Variants in SUPT6H observed in about 807,000 individuals in gnomAD.
The protein encoded by SUPT6H is transcription elongation factor SPT6.
In SUPT6H, 11 loss-of-function variants were observed where a neutral mutation model predicts 222.3. The ratio of observed to expected loss-of-function variants is 0.05; its 90% CI spans 0.03 to 0.08. The LOEUF (loss-of-function observed/expected upper bound fraction) is 0.08, where lower values mean the gene tolerates loss of function less well. SUPT6H is among the 10% of genes least tolerant of loss of function. The probability of loss-of-function intolerance (pLI) is 1.00; values close to 1 mark genes in which losing one functional copy is unlikely to be tolerated. For missense variants in SUPT6H, 1,422 were observed against 2,216.0 expected (o/e 0.64, Z 7.19); for synonymous variants, 762 against 801.2 (o/e 0.95, Z 0.83).
At chr17:28,692,566 G>A (rs1373827465) in intron 27 of SUPT6H, among the ~76,000 whole-genome samples, 2 of 147,724 alleles carry the variant, frequency 1.4e-5, no homozygotes, top group East Asian at 4.0e-4. Flanking sequence ...AGGGATCTAA[G>A]TTGGATAAAC....
At chr17:28,695,650 G>C in intron 29 of SUPT6H, 103 bp downstream of exon 29, 1 of 1,343,038 alleles carries the variant, frequency 7.4e-7, no homozygotes, top group Non-Finnish European at 1.0e-6. Context: ...CCCAGTGGAA[G>C]TGGGGACTCA....
At position 28,675,402 on chromosome 17, in the gene SUPT6H, T is replaced by C; in HGVS notation, c.540T>C (p.Asp180=). The stretch of plus-strand genomic sequence containing the variant: ...CCAACCCATCCTTTTCCTACCCAGA[T>C]ATTGACGACTTCATTGTGGATGATG... ...EEEEEDDEES[D]IDDFIVDDDG... is the part of the protein sequence containing the mutation. Residue 180 remains aspartate (D), a splice_region_variant and synonymous_variant, in exon 6 of 37, where the codon GAT becomes GAC. Coordinates refer to ENST00000314616, the MANE Select transcript of SUPT6H (RefSeq NM_003170.5). The C allele has an allele frequency of 6.2e-7, 1 of 1,614,082 alleles. No homozygotes were observed.
chr17:28,693,315 G>A (rs952755734), intron 27 of SUPT6H, among the ~76,000 whole-genome samples: 2 of 152,022 alleles, frequency 1.3e-5, no homozygotes, highest in South Asian at 4.2e-4. Flanking sequence ...ACAAAAATCC[G>A]CCCTGTGTGG....
In SUPT6H at chr17:28,682,764, G is replaced by C; in HGVS notation, c.1635G>C (p.Gln545His). 1 of 1,614,212 alleles carries C rather than the reference G, an allele frequency of 6.2e-7. No individual in the cohort carries two copies. The change falls in exon 14 of 37, where the codon CAG becomes CAC. Residue 545 changes from glutamine to histidine, a missense_variant. Around this residue, in one of 13 missense-constraint regions of SUPT6H, gnomAD observed 389 missense variants for 544.6 expected, o/e 0.71. Transcript: ENST00000314616. ...AAAAGTTTGGGCTTACTCCCGAGCAGTTTGGGGAGAACCTGCGGGATAGCT... is the reference window on the plus strand; with the variant it reads ...AAAAGTTTGGGCTTACTCCCGAGCACTTTGGGGAGAACCTGCGGGATAGCT... Reference protein sequence around the residue: ...LAKKFGLTPEQFGENLRDSYQ... With the variant: ...LAKKFGLTPEHFGENLRDSYQ...
intron 1 of SUPT6H, chr17:28,670,239 G>C (rs1001646288): frequency 3.9e-5 from 6 of 152,220 alleles, no homozygotes; most frequent in African/African-American, 1.2e-4. Flanking sequence ...ACATCTCTCT[G>C]AGTCTGTTTC....
Position 28,687,388 on chromosome 17 carries a change from C to T in SUPT6H, c.2923C>T (p.Arg975Cys), listed in dbSNP as rs143373760. The T allele has an allele frequency of 1.1e-4, 170 of 1,614,044 alleles. No homozygotes were observed. The highest frequency in any genetic ancestry group is 4.9e-4 in the East Asian group (22 of 44,900). Reference protein sequence around the residue: ...RVNEVGVDVNRAIAHPYSQAL... With the variant: ...RVNEVGVDVNCAIAHPYSQAL... ...CAATGAGGTCGGGGTCGATGTCAAC[C>T]GTGCCATTGCCCACCCTTACAGCCA... Residue 975 changes from arginine to cysteine, a missense_variant, in exon 23 of 37, where the codon CGT becomes TGT. Around this residue, in one of 13 missense-constraint regions of SUPT6H, gnomAD observed 294 missense variants for 382.1 expected, o/e 0.77. Coordinates refer to ENST00000314616, the MANE Select transcript of SUPT6H (RefSeq NM_003170.5).
intron 15 of SUPT6H, 45 bp from the exon 16 acceptor site, chr17:28,683,223 G>C: frequency 6.2e-7 from 1 of 1,604,988 alleles, no homozygotes; most frequent in East Asian, 2.2e-5. Context: ...CTGGGGCCTG[G>C]CCCAGCCCAT....
At position 28,676,408 on chromosome 17, in the gene SUPT6H, C is replaced by G. The variant is rs1221965011; in HGVS notation, c.875C>G (p.Thr292Ser). 1.2e-6 allele frequency: 2 copies of G among 1,614,008 alleles called. No homozygotes were observed. The highest frequency in any genetic ancestry group is 1.7e-6 in the Non-Finnish European group (2 of 1,180,028). The change falls in exon 7 of 37, where the codon ACT (threonine) becomes AGT (serine). Residue 292 changes from threonine (T) to serine (S), a missense_variant. Physicochemically the swap from Thr to Ser is moderately conservative, Grantham distance 58 (BLOSUM62 1). Transcript: ENST00000314616. ...LTDQDNEIRATDLPERFQLRS... is the reference protein window; with the variant it reads ...LTDQDNEIRASDLPERFQLRS... ...GATCAGGACAATGAAATCCGAGCCACTGACCTGCCTGAGAGGTTCCAGGTA... is the reference window on the plus strand; with the variant it reads ...GATCAGGACAATGAAATCCGAGCCAGTGACCTGCCTGAGAGGTTCCAGGTA...
At chr17:28,667,441 G>GTA (rs1185379035) in intron 1 of SUPT6H, among the ~76,000 whole-genome samples, 48 of 106,606 alleles carry the variant, frequency 4.5e-4, no homozygotes, top group East Asian at 9.6e-4. Context: ...ATATATGTAT[G>GTA]TGTGTGTGTA....
intron 11 of SUPT6H, among the ~76,000 whole-genome samples, chr17:28,680,633 A>G (rs1416046473): frequency 1.3e-5 from 2 of 151,942 alleles, no homozygotes; most frequent in South Asian, 2.1e-4. Context: ...TAGGGCTATC[A>G]TGTGTCTTGG....
chr17:28,675,239 C>T, intron 5 of SUPT6H, 77 bp downstream of exon 5: 2 of 1,521,768 alleles, frequency 1.3e-6, no homozygotes. Context: ...AGGATGGAAA[C>T]CATTCTTTAG....
intron 25 of SUPT6H, 61 bp from the exon 26 acceptor site, chr17:28,690,021 C>T (rs1487782636): frequency 6.4e-7 from 1 of 1,557,928 alleles, no homozygotes; most frequent in Non-Finnish European, 8.7e-7. Flanking sequence ...TTCCACGGGA[C>T]TCCTTGAGGC....
rs1014120260 is a variant in SUPT6H at position 28,691,301 on chromosome 17, G to A, written c.3633+238G>A. The A allele has an allele frequency of 6.9e-5, 31 of 452,070 alleles. 1 individual carries two copies. Among genetic ancestry groups the A allele is most frequent in the Admixed American group, 2.1e-4 (6 of 28,446 alleles). 28.0% of individuals were successfully genotyped at this position (452,070 alleles called of 1,614,324 possible). On this transcript the variant is annotated intron_variant, in intron 27 of 36. Transcript: ENST00000314616. Reference sequence around the variant, plus strand: ...TAGCACTTTGGGGGCCAAGGTGGGCGGTTCATCTGAGATCAGGGGTTCGAG... The same window carrying A: ...TAGCACTTTGGGGGCCAAGGTGGGCAGTTCATCTGAGATCAGGGGTTCGAG...
intron 2 of SUPT6H, 44 bp from the exon 3 acceptor site, chr17:28,674,239 G>GTCT: frequency 6.2e-7 from 1 of 1,611,494 alleles, no homozygotes; most frequent in Non-Finnish European, 8.5e-7. Flanking sequence ...TGAACCTCTA[G>GTCT]CCTGTTTTTC....
chr17:28,681,303 A>T lies in SUPT6H; in HGVS notation c.1397A>T (p.His466Leu). The T allele has an allele frequency of 6.2e-7, 1 of 1,613,922 alleles. No individual in the cohort carries two copies. The highest frequency in any genetic ancestry group is 2.2e-5 in the East Asian group (1 of 44,886). Residue 466 changes from histidine (H) to leucine (L), a missense_variant, in exon 12 of 37, where the codon CAT (histidine) becomes CTT (leucine). This residue lies in a region of SUPT6H where 389 missense variants were observed against 544.6 expected (regional missense o/e 0.71). Transcript: ENST00000314616. Reference sequence around the variant, plus strand: ...GATGAGCTGAAAGATGTCTACAACCATTTTCTTCTTTATTATGGCCGAGAC... The same window carrying T: ...GATGAGCTGAAAGATGTCTACAACCTTTTTCTTCTTTATTATGGCCGAGAC... ...SMDELKDVYN[H>L]FLLYYGRDIP...
chr17:28,665,829 T>G (rs1476141735), intron 1 of SUPT6H, among the ~76,000 whole-genome samples: 1 of 152,198 alleles, frequency 6.6e-6, no homozygotes, highest in African/African-American at 2.4e-5. Context: ...GGTGAGATTA[T>G]GGCTTGAGCC....
intron 1 of SUPT6H, chr17:28,671,172 T>G (rs2030392171): frequency 6.6e-6 from 1 of 152,196 alleles, no homozygotes; most frequent in Non-Finnish European, 1.5e-5. Context: ...TTAGCCACCC[T>G]TCTCTTCTCT....
intron 9 of SUPT6H, 68 bp from the exon 10 acceptor site, chr17:28,678,477 T>C (rs2030889610): frequency 6.8e-7 from 1 of 1,465,876 alleles, no homozygotes; most frequent in South Asian, 1.2e-5. Flanking sequence ...GAAGTCATTA[T>C]CTACTGACAG....
intron 1 of SUPT6H, among the ~76,000 whole-genome samples, chr17:28,665,380 A>G (rs952603363): frequency 1.3e-5 from 2 of 152,156 alleles, no homozygotes; most frequent in Non-Finnish European, 1.5e-5. Flanking sequence ...TTTGTTGCCA[A>G]TATGTCTCCT....
Sources: gnomAD v4.1 joint callset for allele counts (sites outside exome capture counted in the v4.1 genomes callset) on GRCh38, gnomAD v4.1.1 for gene constraint, gnomAD v4.1.1 regional missense constraint, MANE v1.5 for transcripts, NCBI Gene and HGNC (gene_info 2026-07-23, HGNC 2026-07-21) for gene names.